The following FAF1 variants were observed in gnomAD, a reference collection of about 807,000 sequenced individuals.
FAF1 encodes Fas associated factor 1, also known as FAS-associated factor 1.
Under a neutral mutation model 92.5 loss-of-function variants are expected in FAF1, and 25 were observed. The ratio of observed to expected loss-of-function variants is 0.27; its 90% confidence interval spans 0.20 to 0.38. The LOEUF is 0.38. FAF1 is among the 10% of genes least tolerant of loss of function. The probability of loss-of-function intolerance (pLI) is 1.00; values close to 1 mark genes in which losing one functional copy is unlikely to be tolerated. For missense variants in FAF1, 636 were observed against 793.3 expected, an observed-to-expected ratio of 0.80 and a Z score of 2.38; for synonymous variants, 234 against 273.2, an observed-to-expected ratio of 0.86 and a Z score of 1.42.
At chr1:50,446,482 CT>C (rs1646228510) in intron 18 of FAF1, among the ~76,000 whole-genome samples, 1 of 152,154 alleles carries the variant, frequency 6.6e-6, no homozygotes, top group Non-Finnish European at 1.5e-5. Flanking sequence ...GTTCCAAACT[CT>C]TAAAAAATCC....
intron 18 of FAF1, among the ~76,000 whole-genome samples, chr1:50,464,212 GC>G (rs1328412847): frequency 6.6e-6 from 1 of 151,932 alleles, no homozygotes; most frequent in African/African-American, 2.4e-5. Flanking sequence ...TCTCTATGTT[GC>G]CCAGGCTGGT....
Position 50,567,070 on chromosome 1 carries a change from G to A in FAF1, c.1268+7C>T. 6.3e-7 allele frequency: 1 copy of A among 1,587,102 alleles called. No individual in the cohort carries two copies. Among genetic ancestry groups the A allele is most frequent in the Non-Finnish European group, 8.6e-7 (1 of 1,166,788 alleles). On this transcript the variant is annotated splice_region_variant and intron_variant, in intron 13 of 18. Coordinates refer to ENST00000396153, the MANE Select transcript of FAF1 (RefSeq NM_007051.3). ...CCCAACTTGTAACTTGTGAACAACA[G>A]TATTACCTTGCTCTGTTGGAGTCCT...
chr1:50,676,233 C>A lies in FAF1; in HGVS notation c.658-20705G>T, dbSNP rs556983989. The stretch of plus-strand genomic sequence containing the variant: ...TCCAGCTTGGACAACCTGGTGAAAC[C>A]CCGTCTCTGCTAAAGATAGAAAAAT... On this transcript the variant is annotated intron_variant, in intron 7 of 18. Coordinates refer to ENST00000396153, the MANE Select transcript of FAF1 (RefSeq NM_007051.3). Among the ~76,000 whole-genome samples the A allele has an allele frequency of 2.0e-4, 30 of 151,700 alleles. 1 individual carries two copies. Among genetic ancestry groups the A allele is most frequent in the Admixed American group, 5.9e-4 (9 of 15,216 alleles).
intron 4 of FAF1, among the ~76,000 whole-genome samples, chr1:50,747,231 A>G (rs892808810): frequency 1.3e-5 from 2 of 152,314 alleles, no homozygotes; most frequent in Non-Finnish European, 2.9e-5. Context: ...CACCTGGACA[A>G]GCTGGAGGCA....
At chr1:50,786,957 A>C (rs78288854) in intron 4 of FAF1, among the ~76,000 whole-genome samples, 4,564 of 152,304 alleles carry the variant, frequency 0.03, 240 homozygotes, top group African/African-American at 0.1. Flanking sequence ...TTGCTTTCCA[A>C]GACTCAATTA....
intron 1 of FAF1, among the ~76,000 whole-genome samples, chr1:50,863,481 C>T (rs1644452834): frequency 6.6e-6 from 1 of 151,612 alleles, no homozygotes; most frequent in Non-Finnish European, 1.5e-5. Flanking sequence ...GAAAACAAAC[C>T]CAAACCCAGC....
intron 8 of FAF1, among the ~76,000 whole-genome samples, chr1:50,652,773 C>T (rs1378255007): frequency 6.6e-6 from 1 of 152,186 alleles, no homozygotes; most frequent in African/African-American, 2.4e-5. Context: ...GACATCACTT[C>T]ATTTCTTTAA....
chr1:50,572,861 T>A (rs914859997), intron 12 of FAF1, among the ~76,000 whole-genome samples: 8 of 151,710 alleles, frequency 5.3e-5, no homozygotes, highest in East Asian at 1.9e-4. Flanking sequence ...GATGATACTT[T>A]AAAAAAAAAT....
intron 1 of FAF1, among the ~76,000 whole-genome samples, chr1:50,872,196 T>C (rs6700139): frequency 0.31 from 46,635 of 152,036 alleles, 7,466 homozygotes; most frequent in Middle Eastern, 0.5. Flanking sequence ...CCATTCTAGA[T>C]GCCATTCATA....
chr1:50,758,359 T>C (rs1167873150), intron 4 of FAF1, among the ~76,000 whole-genome samples: 1 of 152,206 alleles, frequency 6.6e-6, no homozygotes, highest in Non-Finnish European at 1.5e-5. Context: ...CAGCACAACA[T>C]ACATTTTTAA....
At chr1:50,547,245 T>A (rs1212939540) in intron 13 of FAF1, among the ~76,000 whole-genome samples, 3 of 151,994 alleles carry the variant, frequency 2.0e-5, no homozygotes, top group Non-Finnish European at 2.9e-5. Flanking sequence ...CAAATGCACA[T>A]ATTGTAAGCA....
chr1:50,638,361 G>C (rs1330066376), intron 8 of FAF1, among the ~76,000 whole-genome samples: 2 of 151,848 alleles, frequency 1.3e-5, no homozygotes, highest in Non-Finnish European at 2.9e-5. Context: ...TTGCGCAAGT[G>C]AACATCCTTA....
intron 18 of FAF1, among the ~76,000 whole-genome samples, chr1:50,462,514 T>C (rs1045940368): frequency 2.6e-4 from 39 of 152,084 alleles, no homozygotes; most frequent in Non-Finnish European, 5.4e-4. Context: ...GCAAGAAAAA[T>C]AAATATCAAC....
chr1:50,770,431 C>T (rs370782061), intron 4 of FAF1, among the ~76,000 whole-genome samples: 2 of 152,132 alleles, frequency 1.3e-5, no homozygotes, highest in African/African-American at 4.8e-5. Context: ...AATCAATGTA[C>T]GAAAATCAGT....
intron 2 of FAF1, among the ~76,000 whole-genome samples, chr1:50,852,592 G>A (rs1423644180): frequency 6.6e-6 from 1 of 152,140 alleles, no homozygotes; most frequent in Non-Finnish European, 1.5e-5. Flanking sequence ...ATACTAGGTA[G>A]GGAAAATGTG....
intron 3 of FAF1, among the ~76,000 whole-genome samples, chr1:50,791,516 G>C (rs1009508164): frequency 1.3e-5 from 2 of 152,184 alleles, no homozygotes. Context: ...GAGGGGAGGA[G>C]AGACTTCTTT....
intron 18 of FAF1, among the ~76,000 whole-genome samples, chr1:50,448,426 T>C (rs924327137): frequency 6.6e-6 from 1 of 152,192 alleles, no homozygotes; most frequent in Admixed American, 6.5e-5. Flanking sequence ...AACTTATAAC[T>C]CTTGTTGGGG....
rs1369038580 is a variant in FAF1 at position 50,475,881 on chromosome 1, TA to T, written c.1654-203del. On this transcript the variant is annotated intron_variant, in intron 17 of 18. Transcript: ENST00000396153. ...AATATTAGTCCAATAGGCAAGTAAT[TA>T]AAATAAATTCCACCTTGATGACACA... 1.4e-4 allele frequency among the ~76,000 whole-genome samples: 21 copies of T among 152,274 alleles called. No individual in the cohort carries two copies. The East Asian group carries it at 3.7e-3, about 27-fold the overall frequency.
chr1:50,892,138 G>A (rs1030818949), intron 1 of FAF1, among the ~76,000 whole-genome samples: 8 of 152,142 alleles, frequency 5.3e-5, no homozygotes, highest in Non-Finnish European at 1.0e-4. Context: ...AGGCTCCATG[G>A]GCATGGGACC....
Sources: allele counts gnomAD v4.1 joint callset (sites outside exome capture counted in the v4.1 genomes callset), GRCh38; gene constraint gnomAD v4.1.1; transcripts MANE v1.5; gene names NCBI Gene and HGNC (gene_info 2026-07-23, HGNC 2026-07-21).